The following MS4A18 variants were observed in gnomAD, a reference collection of about 807,000 sequenced individuals.
MS4A18 encodes the protein membrane spanning 4-domains A18, also known as membrane-spanning 4-domains subfamily A member 18.
Under a neutral mutation model 13.1 loss-of-function variants are expected in MS4A18, and 27 were observed. The observed-to-expected ratio is 2.06, with a 90% CI of 1.52 to 2.84. The LOEUF is 2.84. MS4A18 is among the 30% of genes most tolerant of loss of function. MS4A18 has a pLI of 0.00. For missense variants in MS4A18, 307 were observed against 196.4 expected (o/e 1.56, Z -3.37); for synonymous variants, 126 against 76.5 (o/e 1.65, Z -3.38).
chr11:60,732,863 C>T (rs941891091), intron 1 of MS4A18, among the ~76,000 whole-genome samples: 3 of 152,132 alleles, frequency 2.0e-5, no homozygotes, highest in Non-Finnish European at 2.9e-5. Context: ...AAATATGTAG[C>T]CTCTCAAACA....
downstream of MS4A18, among the ~76,000 whole-genome samples, chr11:60,744,975 A>G (rs1022078463): frequency 6.6e-5 from 10 of 152,230 alleles, no homozygotes; most frequent in African/African-American, 2.4e-4. Context: ...TGACTCAGCA[A>G]TCTTGTTCCT....
chr11:60,737,763 C>T (rs919550715), intron 3 of MS4A18, among the ~76,000 whole-genome samples: 1 of 152,176 alleles, frequency 6.6e-6, no homozygotes, highest in African/African-American at 2.4e-5. Context: ...TATGGCTTGT[C>T]GTCTTTCTTC....
intron 4 of MS4A18, among the ~76,000 whole-genome samples, chr11:60,739,516 G>A (rs1357812375): frequency 3.3e-5 from 5 of 152,174 alleles, no homozygotes; most frequent in Non-Finnish European, 7.4e-5. Context: ...AGAGGAAGCT[G>A]CACTATAAAC....
intron 1 of MS4A18, among the ~76,000 whole-genome samples, chr11:60,730,572 A>C (rs1463684308): frequency 6.6e-6 from 1 of 152,224 alleles, no homozygotes; most frequent in African/African-American, 2.4e-5. Context: ...TGAGACATGC[A>C]TAAGTTATTG....
upstream of MS4A18, among the ~76,000 whole-genome samples, chr11:60,726,326 T>C (rs1853161246): frequency 1.3e-5 from 2 of 152,190 alleles, no homozygotes; most frequent in Admixed American, 1.3e-4. Flanking sequence ...CCAGCTAGAT[T>C]TTAAAATAAG....
downstream of MS4A18, among the ~76,000 whole-genome samples, chr11:60,744,460 G>C (rs1853458290): frequency 6.6e-6 from 1 of 152,130 alleles, no homozygotes; most frequent in African/African-American, 2.4e-5. Flanking sequence ...GTGACCTAGA[G>C]TTAGGTGAAG....
At chr11:60,736,001 A>G (rs1853334329) in intron 2 of MS4A18, among the ~76,000 whole-genome samples, 1 of 152,058 alleles carries the variant, frequency 6.6e-6, no homozygotes, top group Non-Finnish European at 1.5e-5. Context: ...ATTTACCTAT[A>G]TGCCTAAGCA....
At chr11:60,733,822 T>G (rs1414979559) in intron 2 of MS4A18, among the ~76,000 whole-genome samples, 175 bp downstream of exon 3, 1 of 151,554 alleles carries the variant, frequency 6.6e-6, no homozygotes, top group Non-Finnish European at 1.5e-5. Flanking sequence ...CCAGCAACAC[T>G]CCCTCCCACC....
In MS4A18 at chr11:60,741,459, TATCTC is replaced by T. The variant is rs1853413959; in HGVS notation, c.858+320_858+324del. ...AATAGCTCACCTCTGCTCCACATGT[TATCTC>T]ATCCTCCAGTACGCCCACCTGAGCT... On this transcript the variant is annotated intron_variant, in intron 5 of 5. Transcript: ENST00000529108. 3.3e-5 allele frequency among the ~76,000 whole-genome samples: 5 copies of T among 152,124 alleles called. No individual in the cohort carries two copies. The South Asian group carries it at 8.3e-4, about 25-fold the overall frequency.
chr11:60,743,105 A>G (rs1376380513), intron 5 of MS4A18, among the ~76,000 whole-genome samples: 2 of 152,202 alleles, frequency 1.3e-5, no homozygotes, highest in South Asian at 2.1e-4. Flanking sequence ...AACCCAATGC[A>G]TGTGTTGGAT....
upstream of MS4A18, among the ~76,000 whole-genome samples, chr11:60,728,277 C>A (rs1323328604): frequency 2.0e-5 from 3 of 152,284 alleles, no homozygotes; most frequent in South Asian, 6.2e-4. Context: ...TTAAATTAAA[C>A]CCATAAATGA....
At chr11:60,733,390 A>G in intron 1 of MS4A18, 144 bp from the exon 3 acceptor site, 2 of 626,478 alleles carry the variant, frequency 3.2e-6, no homozygotes, top group Non-Finnish European at 5.7e-6. Context: ...ACCCTCAGAG[A>G]TTTGTATCCA....
At chr11:60,725,809 G>C (rs1274073281), upstream of MS4A18, among the ~76,000 whole-genome samples, 1 of 152,162 alleles carries the variant, frequency 6.6e-6, no homozygotes, top group African/African-American at 2.4e-5. Flanking sequence ...GCCTCAGAGA[G>C]TTTGCCCGAG....
chr11:60,731,781 CTAA>C (rs1272576926), intron 1 of MS4A18, among the ~76,000 whole-genome samples: 2 of 152,280 alleles, frequency 1.3e-5, no homozygotes, highest in Admixed American at 1.3e-4. Context: ...GTAAACAATT[CTAA>C]TGTTAGTTCT....
chr11:60,742,100 T>G lies in MS4A18; in HGVS notation c.858+957T>G, dbSNP rs73492924. ...TACCCTGGGGGCAGAGAATGTTTCTTGATTAGGAGTCAATTTGACTCTCTG... is the reference window on the plus strand; with the variant it reads ...TACCCTGGGGGCAGAGAATGTTTCTGGATTAGGAGTCAATTTGACTCTCTG... On this transcript the variant is annotated intron_variant, in intron 5 of 5. Coordinates refer to ENST00000529108, the Ensembl canonical transcript of MS4A18. 8.2e-3 allele frequency among the ~76,000 whole-genome samples: 1,242 copies of G among 152,332 alleles called. 17 individuals are homozygous for G. The highest frequency in any genetic ancestry group is 0.028 in the African/African-American group (1,169 of 41,570).
chr11:60,731,854 G>A (rs1853257418), intron 1 of MS4A18, among the ~76,000 whole-genome samples: 1 of 152,166 alleles, frequency 6.6e-6, no homozygotes, highest in South Asian at 2.1e-4. Flanking sequence ...AAATCAGCCA[G>A]ATTTGCTTCA....
rs78242974 is a variant in MS4A18, at chr11:60,736,846, C to G, written c.592-132C>G. ...AGTAAAAATGTTGGGAGGAAATAAACAGATTTGCACATTTTGTGAAACAAG... is the reference window on the plus strand; with the variant it reads ...AGTAAAAATGTTGGGAGGAAATAAAGAGATTTGCACATTTTGTGAAACAAG... On this transcript the variant is annotated intron_variant, in intron 2 of 5. Coordinates refer to ENST00000529108, the Ensembl canonical transcript of MS4A18. 4.8e-6 allele frequency: 3 copies of G among 620,268 alleles called. No homozygotes were observed. In the African/African-American group the frequency reaches 5.5e-5, roughly 11 times the overall value. The allele number at this position is 620,268 out of a possible 1,614,324, so 38.4% of individuals were successfully genotyped here.
At chr11:60,737,278 T>TGGCAGAGCTGGGATTTGAC (rs1045793532) in intron 3 of MS4A18, among the ~76,000 whole-genome samples, 4 of 152,230 alleles carry the variant, frequency 2.6e-5, no homozygotes, top group Non-Finnish European at 5.9e-5. Context: ...AGTGAGTACA[T>TGGCAGAGCTGGGATTTGAC]GGCAGAGCTG....
exon 1 of MS4A18, chr11:60,729,370 A>G: frequency 7.1e-6 from 5 of 702,784 alleles, no homozygotes; most frequent in Non-Finnish European, 1.3e-5. Context: ...TGCCCCAGAT[A>G]ATGTTCACGT....
Sources: gnomAD v4.1 joint callset for allele counts (sites outside exome capture counted in the v4.1 genomes callset) on GRCh38, gnomAD v4.1.1 for gene constraint, MANE v1.5 for transcripts, NCBI Gene and HGNC (gene_info 2026-07-23, HGNC 2026-07-21) for gene names.